Variants in RPS6KC1 observed in about 807,000 individuals in gnomAD.
The protein encoded by RPS6KC1 is ribosomal protein S6 kinase C1, also known as inactive ribosomal protein S6 kinase delta-1.
RPS6KC1 carries 54 observed loss-of-function variants against 103.8 expected under a neutral mutation model. The observed-to-expected ratio is 0.52, with a 90% confidence interval of 0.42 to 0.65. The LOEUF is 0.65. RPS6KC1 is among the 30% of genes least tolerant of loss of function. The pLI is 0.00. For missense variants in RPS6KC1, 1,151 were observed against 1,253.8 expected (o/e 0.92, Z 1.24); for synonymous variants, 439 against 438.7 (o/e 1.00, Z -0.01).
the RPS6KC1 span, among the ~76,000 whole-genome samples, chr1:213,499,642 C>T: frequency 3.3e-5 from 5 of 151,930 alleles, no homozygotes; most frequent in Non-Finnish European, 7.4e-5. Flanking sequence ...TGCTGTACGG[C>T]CTGGTTCCTA....
intron 3 of RPS6KC1, among the ~76,000 whole-genome samples, chr1:213,083,616 T>C (rs2080109976): frequency 6.6e-6 from 1 of 152,158 alleles, no homozygotes; most frequent in Non-Finnish European, 1.5e-5. Flanking sequence ...AGACTTTGAA[T>C]TGCTGCCATA....
At chr1:213,083,466 T>A (rs2080091089) in intron 3 of RPS6KC1, among the ~76,000 whole-genome samples, 1 of 152,210 alleles carries the variant, frequency 6.6e-6, no homozygotes, top group Non-Finnish European at 1.5e-5. Flanking sequence ...CCTATCCCAC[T>A]ATTGTGTATT....
chr1:213,681,128 A>C, the RPS6KC1 span, among the ~76,000 whole-genome samples: 16 of 152,250 alleles, frequency 1.1e-4, no homozygotes, highest in African/African-American at 3.9e-4. Flanking sequence ...CCCGCTCAGT[A>C]GCATGGTGCT....
chr1:213,353,417 G>A, the RPS6KC1 span, among the ~76,000 whole-genome samples: 2 of 152,212 alleles, frequency 1.3e-5, no homozygotes, highest in Non-Finnish European at 2.9e-5. Flanking sequence ...TTATAGAAGA[G>A]GCAACTGAAG....
intron 8 of RPS6KC1, among the ~76,000 whole-genome samples, chr1:213,189,937 T>G (rs1288519911): frequency 6.6e-6 from 1 of 152,188 alleles, no homozygotes. Flanking sequence ...TTTCACTTAA[T>G]GTAATTTGAC....
chr1:213,101,493 C>T (rs1434642338), intron 3 of RPS6KC1, among the ~76,000 whole-genome samples: 1 of 152,104 alleles, frequency 6.6e-6, no homozygotes, highest in Non-Finnish European at 1.5e-5. Flanking sequence ...ACAAGAAATG[C>T]TTTTGACATT....
the RPS6KC1 span, among the ~76,000 whole-genome samples, chr1:213,777,462 G>T: frequency 1.3e-5 from 2 of 152,090 alleles, no homozygotes; most frequent in Non-Finnish European, 2.9e-5. Flanking sequence ...CACACTTATC[G>T]ATTAAATTTG....
At chr1:213,847,533 A>G in the RPS6KC1 span, among the ~76,000 whole-genome samples, 1 of 152,196 alleles carries the variant, frequency 6.6e-6, no homozygotes. Context: ...TCTGGATGAG[A>G]AACTGAAATG....
At chr1:213,066,618 G>T (rs1455992466) in intron 1 of RPS6KC1, among the ~76,000 whole-genome samples, 1 of 152,198 alleles carries the variant, frequency 6.6e-6, no homozygotes, top group Non-Finnish European at 1.5e-5. Flanking sequence ...CTGAGACAAT[G>T]AGTATTGCTA....
At chr1:213,802,115 A>C in the RPS6KC1 span, among the ~76,000 whole-genome samples, 1 of 152,354 alleles carries the variant, frequency 6.6e-6, no homozygotes, top group South Asian at 2.1e-4. Context: ...TAAACTGTGA[A>C]GAAGGACCTG....
At chr1:213,847,869 C>T in the RPS6KC1 span, among the ~76,000 whole-genome samples, 1 of 152,234 alleles carries the variant, frequency 6.6e-6, no homozygotes, top group East Asian at 1.9e-4. Context: ...CCTATTTTTA[C>T]TCCTTTTGAA....
chr1:213,517,645 C>T, the RPS6KC1 span, among the ~76,000 whole-genome samples: 1 of 152,122 alleles, frequency 6.6e-6, no homozygotes, highest in African/African-American at 2.4e-5. Context: ...TGCTTTACTT[C>T]CAACTATGTG....
chr1:213,559,858 A>G, the RPS6KC1 span, among the ~76,000 whole-genome samples: 991 of 152,346 alleles, frequency 6.5e-3, 3 homozygotes, highest in Non-Finnish European at 0.01. Flanking sequence ...TCAATATAGA[A>G]TCAATATAAA....
the RPS6KC1 span, among the ~76,000 whole-genome samples, chr1:213,513,169 C>T: frequency 6.6e-6 from 1 of 151,278 alleles, no homozygotes; most frequent in East Asian, 2.1e-4. Flanking sequence ...CTGTTGCTGA[C>T]TTTGAAGATG....
At chr1:213,546,190 C>T in the RPS6KC1 span, 4 of 152,180 alleles carry the variant, frequency 2.6e-5, no homozygotes, top group East Asian at 1.9e-4. Flanking sequence ...ATTTGTTGAG[C>T]ACTTACTCTG....
chr1:213,697,373 C>T, the RPS6KC1 span, among the ~76,000 whole-genome samples: 1 of 152,224 alleles, frequency 6.6e-6, no homozygotes, highest in African/African-American at 2.4e-5. Context: ...AGGTGCAGCT[C>T]AACAGATGTA....
chr1:213,063,562 A>T (rs181833324), intron 1 of RPS6KC1, among the ~76,000 whole-genome samples: 254 of 152,346 alleles, frequency 1.7e-3, no homozygotes, highest in Non-Finnish European at 3.2e-3. Context: ...ACAGAGGCAG[A>T]TAGACTACAG....
chr1:213,230,616 C>T, intron 9 of RPS6KC1, 72 bp downstream of exon 9: 1 of 1,142,604 alleles, frequency 8.8e-7, no homozygotes, highest in Non-Finnish European at 1.3e-6. Context: ...AGGCAGGTCA[C>T]CTAAGGTCAG....
the RPS6KC1 span, among the ~76,000 whole-genome samples, chr1:213,350,871 CAT>C: frequency 6.6e-6 from 1 of 151,948 alleles, no homozygotes; most frequent in Admixed American, 6.6e-5. Flanking sequence ...CTTATATTCA[CAT>C]ATGTTTATTC....
Sources: gnomAD v4.1 joint callset for allele counts (sites outside exome capture counted in the v4.1 genomes callset) on GRCh38, gnomAD v4.1.1 for gene constraint, MANE v1.5 for transcripts, NCBI Gene and HGNC (gene_info 2026-07-23, HGNC 2026-07-21) for gene names.